Variants in MADD observed in about 807,000 individuals in gnomAD.
MADD encodes MAP kinase activating death domain.
A neutral mutation model predicts 176.7 loss-of-function variants in MADD; 109 were observed. That is an observed-to-expected ratio of 0.62 (90% CI 0.53 to 0.72). The LOEUF is 0.72. Ranked by LOEUF, MADD falls within the 30% of genes least tolerant of loss-of-function variation. MADD has a pLI of 0.00. For missense variants in MADD, 1,914 were observed against 2,045.5 expected (o/e 0.94, Z 1.24); for synonymous variants, 771 against 771.3 (o/e 1.00, Z 0.01).
At chr11:47,328,518 A>G in intron 31 of MADD, 140 bp from the exon 36 acceptor site, 1 of 1,517,546 alleles carries the variant, frequency 6.6e-7, no homozygotes, top group South Asian at 1.3e-5. Flanking sequence ...GCCCTGTCAT[A>G]GCCTAAGCTG....
chr11:47,286,408 C>T lies in MADD; in HGVS notation c.2552-25C>T, dbSNP rs774655181. ...TTGATTACTTACTCTGCCAAGTCAT[C>T]GCTCTTGCACCCTCCCCTTGATAGG... On this transcript the variant is annotated intron_variant, in intron 14 of 32. Transcript: ENST00000402192. The T allele has an allele frequency of 4.5e-5, 69 of 1,519,846 alleles. 4 individuals are homozygous for T. Among genetic ancestry groups the T allele is most frequent in the East Asian group, 2.9e-4 (13 of 44,472 alleles). The allele number at this position is 1,519,846 out of a possible 1,614,324, so 94.1% of individuals were successfully genotyped here.
At chr11:47,327,299 CGG>C in intron 31 of MADD, 3 of 989,524 alleles carry the variant, frequency 3.0e-6, no homozygotes, top group Non-Finnish European at 3.6e-6. Flanking sequence ...AGGAGTCTAG[CGG>C]GACAGCTGTA....
At chr11:47,275,981 G>C (rs745738137) in exon 4 of MADD, 2 of 1,614,190 alleles carry the variant, frequency 1.2e-6, no homozygotes, top group Non-Finnish European at 1.7e-6. Flanking sequence ...TCGAGAGATT[G>C]AGGCCTGGAT....
intron 26 of MADD, among the ~76,000 whole-genome samples, chr11:47,313,589 G>A (rs2091290402): frequency 6.6e-6 from 1 of 151,910 alleles, no homozygotes; most frequent in African/African-American, 2.4e-5. Context: ...GCCTTCCAAA[G>A]TTCTAGGATT....
Position 47,290,518 on chromosome 11 carries a change from G to T in MADD, c.3095-92G>T, listed in dbSNP as rs747638865. 28 of 1,361,374 alleles carry T rather than the reference G, an allele frequency of 2.1e-5. No homozygotes were observed. The East Asian group carries it at 2.3e-4, about 11-fold the overall frequency. 84.3% of individuals were successfully genotyped at this position (1,361,374 alleles called of 1,614,324 possible). ...TCTTTCCTTGAACTTCTTCCATTCC[G>T]CACCCTCCTGTATCCTGGCTCCTCC... is the stretch of plus-strand genomic sequence containing the variant. On this transcript the variant is annotated intron_variant, in intron 18 of 32. Coordinates refer to ENST00000402192, the Ensembl canonical transcript of MADD.
In MADD at chr11:47,326,718, C is replaced by T. The variant is rs752929506; in HGVS notation, c.4543-20C>T. ...GTGGAGCCTGTGGGCCTTACCCCGG[C>T]CTCCCTCCCTCTCTTGCAGGTTTTC... On this transcript the variant is annotated intron_variant, in intron 30 of 32. Coordinates refer to ENST00000402192, the Ensembl canonical transcript of MADD. The T allele has an allele frequency of 1.5e-5, 24 of 1,612,802 alleles. No individual in the cohort carries two copies. The East Asian group carries it at 1.6e-4, about 10-fold the overall frequency.
intron 22 of MADD, among the ~76,000 whole-genome samples, chr11:47,307,857 A>T (rs928104871): frequency 6.6e-6 from 1 of 152,286 alleles, no homozygotes; most frequent in African/African-American, 2.4e-5. Flanking sequence ...TTTAATAGAG[A>T]CAGGGTTTCA....
intron 19 of MADD, 78 bp downstream of exon 21, chr11:47,292,674 CT>C: frequency 7.1e-7 from 1 of 1,416,560 alleles, no homozygotes; most frequent in Non-Finnish European, 1.0e-6. Context: ...GGCAGGCTCC[CT>C]TTGTCAGCCC....
At chr11:47,309,799 G>T (rs767998317) in intron 25 of MADD, among the ~76,000 whole-genome samples, 187 bp downstream of exon 28, 26 of 151,008 alleles carry the variant, frequency 1.7e-4, no homozygotes, top group Non-Finnish European at 3.1e-4. Flanking sequence ...CTGCCAGCCA[G>T]TTTTACTAAG....
exon 3 of MADD, chr11:47,275,122 C>T (rs776326962): frequency 5.0e-6 from 8 of 1,614,068 alleles, no homozygotes; most frequent in Non-Finnish European, 3.4e-6. Context: ...TGAGCGCCTT[C>T]TGGGCAAGAA....
intron 6 of MADD, among the ~76,000 whole-genome samples, 192 bp from the exon 7 acceptor site, chr11:47,278,807 T>C (rs1326916976): frequency 6.6e-6 from 1 of 152,176 alleles, no homozygotes. Context: ...ACCAATAACA[T>C]TAAGTTATAT....
intron 1 of MADD, among the ~76,000 whole-genome samples, chr11:47,271,677 T>C (rs1229274189): frequency 6.6e-6 from 1 of 152,192 alleles, no homozygotes; most frequent in Non-Finnish European, 1.5e-5. Context: ...CTATAAATTC[T>C]GTTTTACTTT....
At chr11:47,285,726 G>T in intron 14 of MADD, 136 bp downstream of exon 14, 1 of 1,233,380 alleles carries the variant, frequency 8.1e-7, no homozygotes, top group Non-Finnish European at 1.1e-6. Context: ...AGTCATTTGG[G>T]TGATACTGAA....
chr11:47,295,985 A>AC lies in MADD; in HGVS notation c.3574dup (p.Leu1192ProfsTer10), dbSNP rs776977727. Reference sequence around the variant, plus strand: ...GGACCAGGTGGCGAGGGCAGTGTTCACCTGGCAAGCTCTCGGGGCACTTTG... The same window carrying AC: ...GGACCAGGTGGCGAGGGCAGTGTTCACCCTGGCAAGCTCTCGGGGCACTTTG... On this transcript the variant is annotated frameshift_variant, in exon 22 of 33. Coordinates refer to ENST00000402192, the Ensembl canonical transcript of MADD. LOFTEE classifies it high-confidence loss of function. 6.2e-7 allele frequency: 1 copy of AC among 1,614,018 alleles called. No homozygotes were observed. The highest frequency in any genetic ancestry group is 1.7e-5 in the Admixed American group (1 of 59,986).
Position 47,297,972 on chromosome 11 carries a change from G to T in MADD, c.3642+1917G>T, listed in dbSNP as rs1333351555. Among the ~76,000 whole-genome samples, 11 of 145,576 alleles carry T rather than the reference G, an allele frequency of 7.6e-5. No homozygotes were observed. In the East Asian group the frequency reaches 1.3e-3, roughly 17 times the overall value. ...CCCGGCTAATTTTTTGTATTTTTAG[G>T]AGAGATGGGGTTTCACCGTGTTAGC... On this transcript the variant is annotated intron_variant, in intron 22 of 32. Transcript: ENST00000402192.
rs182868084 is a variant in MADD at position 47,296,721 on chromosome 11, A to G, written c.3642+666A>G. Among the ~76,000 whole-genome samples the G allele has an allele frequency of 1.8e-4, 27 of 150,624 alleles. No individual in the cohort carries two copies. In the East Asian group the frequency reaches 4.9e-3, roughly 27 times the overall value. ...TAAGCCCATGATCAGCTGGAAGGAG[A>G]TGAATTCTTTTTAGTCCTTGCCGTA... On this transcript the variant is annotated intron_variant, in intron 22 of 32. Transcript: ENST00000402192.
chr11:47,273,972 G>T lies in MADD; in HGVS notation c.58G>T (p.Ala20Ser), dbSNP rs1157672135. Residue 20 changes from alanine (A) to serine (S), a missense_variant, in exon 2 of 33, where the codon GCC (alanine) becomes TCC (serine). Physicochemically the swap from Ala to Ser is moderately conservative, Grantham distance 99. This residue lies in a region of MADD where 1,767 missense variants were observed against 1,836.0 expected (regional missense o/e 0.96). Coordinates refer to ENST00000402192, the Ensembl canonical transcript of MADD. ...ACTTGACTATCTAGTGATCGTAGGG[G>T]CCAGGTAACCAAGAAGAGATTGACT... The T allele has an allele frequency of 3.7e-6, 6 of 1,613,900 alleles. No individual in the cohort carries two copies. The South Asian group carries it at 6.6e-5, about 18-fold the overall frequency.
At chr11:47,315,501 G>T (rs2092507435) in intron 27 of MADD, among the ~76,000 whole-genome samples, 174 bp downstream of exon 30, 1 of 152,138 alleles carries the variant, frequency 6.6e-6, no homozygotes, top group African/African-American at 2.4e-5. Flanking sequence ...TTGAGATAGT[G>T]TCTCGCTCTG....
chr11:47,317,023 C>T (rs961737914), intron 27 of MADD, among the ~76,000 whole-genome samples: 3 of 152,304 alleles, frequency 2.0e-5, no homozygotes, highest in East Asian at 1.9e-4. Flanking sequence ...GGATTATAGG[C>T]GTGAGCCACC....
Sources: allele counts gnomAD v4.1 joint callset (sites outside exome capture counted in the v4.1 genomes callset), GRCh38; gene constraint gnomAD v4.1.1; regional missense constraint gnomAD v4.1.1; transcripts MANE v1.5; gene names NCBI Gene and HGNC (gene_info 2026-07-23, HGNC 2026-07-21).